SUGCT: variants seen among roughly 807,000 people sequenced by gnomAD.
The protein encoded by SUGCT is succinyl-CoA:glutarate-CoA transferase, also known as succinyl-CoA:glutarate CoA-transferase.
A neutral mutation model predicts 55.0 loss-of-function variants in SUGCT; 41 were observed. The ratio of observed to expected loss-of-function variants is 0.74; its 90% CI spans 0.58 to 0.97. The LOEUF (loss-of-function observed/expected upper bound fraction) is 0.97. SUGCT is among the 50% of genes least tolerant of loss of function. The probability of loss-of-function intolerance (pLI) is 0.00; values close to 1 mark genes in which losing one functional copy is unlikely to be tolerated. For synonymous variants in SUGCT, 187 were observed against 200.4 expected (o/e 0.93, Z 0.56); for missense variants, 568 against 547.8 (o/e 1.04, Z -0.37).
At chr7:40,177,412 A>C (rs1380455770) in intron 1 of SUGCT, among the ~76,000 whole-genome samples, 1 of 129,376 alleles carries the variant, frequency 7.7e-6, no homozygotes, top group Admixed American at 8.3e-5. Context: ...GGCCCTCTAA[A>C]TCTGCTGTGA....
the SUGCT span, among the ~76,000 whole-genome samples, chr7:40,906,376 T>C: frequency 1.3e-5 from 2 of 152,064 alleles, no homozygotes; most frequent in African/African-American, 4.8e-5. Context: ...TAATAGTGAG[T>C]CTTGGATATA....
chr7:40,747,019 C>A (rs1001789561), intron 12 of SUGCT, among the ~76,000 whole-genome samples: 1 of 152,168 alleles, frequency 6.6e-6, no homozygotes, highest in Admixed American at 6.5e-5. Flanking sequence ...TAGCACCTCC[C>A]GTTGGCATTT....
At chr7:40,333,704 A>ATATATATATAT (rs1562689549) in intron 9 of SUGCT, among the ~76,000 whole-genome samples, 14 of 114,452 alleles carry the variant, frequency 1.2e-4, no homozygotes, top group Non-Finnish European at 2.1e-4. Context: ...TATATATATA[A>ATATATATATAT]ATATTTATAA....
chr7:40,553,983 G>T (rs983418959), intron 12 of SUGCT, among the ~76,000 whole-genome samples: 1 of 152,188 alleles, frequency 6.6e-6, no homozygotes, highest in Admixed American at 6.5e-5. Context: ...GGACTGTTAG[G>T]AGGATTAAAT....
chr7:40,580,423 A>T (rs1797020194), intron 12 of SUGCT, among the ~76,000 whole-genome samples: 1 of 152,228 alleles, frequency 6.6e-6, no homozygotes, highest in Non-Finnish European at 1.5e-5. Context: ...GAACAGTGCT[A>T]GAAGACTTGT....
rs550676084 is a variant in SUGCT, at chr7:40,188,659, T to G, written c.312+79T>G. On this transcript the variant is annotated intron_variant, in intron 4 of 13. Transcript: ENST00000335693. ...AAACTGTTGATATCATTGTGGCTTG[T>G]TTTTTTCTTCCTTAAAAAAATTAAG... 6.0e-4 allele frequency: 512 copies of G among 857,476 alleles called. 12 individuals are homozygous for G. The South Asian group carries it at 9.2e-3, about 15-fold the overall frequency. 53.1% of individuals were successfully genotyped at this position (857,476 alleles called of 1,614,324 possible).
chr7:40,419,874 C>T (rs1417130805), intron 9 of SUGCT, among the ~76,000 whole-genome samples: 1 of 152,172 alleles, frequency 6.6e-6, no homozygotes, highest in African/African-American at 2.4e-5. Flanking sequence ...AAACACTGTG[C>T]TAAGCAGCTT....
intron 12 of SUGCT, among the ~76,000 whole-genome samples, chr7:40,687,646 C>A (rs1784521583): frequency 6.6e-6 from 1 of 152,146 alleles, no homozygotes; most frequent in South Asian, 2.1e-4. Flanking sequence ...TTTTTCTTCC[C>A]ACAAACACCA....
chr7:40,832,568 T>G (rs1040232653), intron 13 of SUGCT, among the ~76,000 whole-genome samples: 8 of 151,332 alleles, frequency 5.3e-5, no homozygotes, highest in South Asian at 2.1e-4. Context: ...TTTTGTTTTT[T>G]TTTTTTCCCG....
intron 9 of SUGCT, among the ~76,000 whole-genome samples, chr7:40,421,831 T>G (rs558423318): frequency 6.6e-6 from 1 of 152,182 alleles, no homozygotes; most frequent in South Asian, 2.1e-4. Flanking sequence ...ACTTGTCACC[T>G]AGTAAGACTG....
At chr7:40,553,572 G>A (rs998988569) in intron 12 of SUGCT, among the ~76,000 whole-genome samples, 1 of 152,114 alleles carries the variant, frequency 6.6e-6, no homozygotes, top group African/African-American at 2.4e-5. Context: ...AGATATTTAT[G>A]TATTTATCTA....
intron 9 of SUGCT, among the ~76,000 whole-genome samples, chr7:40,324,230 T>TAAATAAATAAATAA: frequency 1.8e-5 from 2 of 111,990 alleles, no homozygotes; most frequent in African/African-American, 6.8e-5. Context: ...GATGATCATA[T>TAAATAAATAAATAA]ATATAAATAA....
intron 12 of SUGCT, among the ~76,000 whole-genome samples, chr7:40,623,687 T>C (rs1226042308): frequency 6.6e-6 from 1 of 152,190 alleles, no homozygotes; most frequent in Admixed American, 6.6e-5. Context: ...TTTTAAGTTT[T>C]AGGAATGATC....
intron 12 of SUGCT, among the ~76,000 whole-genome samples, chr7:40,706,199 T>C (rs1042548813): frequency 6.6e-6 from 1 of 152,222 alleles, no homozygotes; most frequent in African/African-American, 2.4e-5. Flanking sequence ...GTGATTCTTA[T>C]CCTTCTGGAA....
intron 13 of SUGCT, among the ~76,000 whole-genome samples, chr7:40,782,041 T>G (rs1789777991): frequency 6.6e-6 from 1 of 152,154 alleles, no homozygotes; most frequent in African/African-American, 2.4e-5. Flanking sequence ...TTTTGGGTAA[T>G]TTTTATCTTC....
chr7:40,409,761 G>A (rs1358711338), intron 9 of SUGCT, among the ~76,000 whole-genome samples: 1 of 151,718 alleles, frequency 6.6e-6, no homozygotes, highest in Non-Finnish European at 1.5e-5. Flanking sequence ...GAGTGCAGTG[G>A]CATAATCTCA....
intron 3 of SUGCT, among the ~76,000 whole-genome samples, chr7:40,184,498 ATT>A (rs753912610): frequency 1.4e-5 from 2 of 142,626 alleles, no homozygotes; most frequent in Admixed American, 7.1e-5. Flanking sequence ...GCCTTATTAA[ATT>A]TTTTTTTTTT....
At chr7:40,469,007 T>A (rs139085367) in intron 11 of SUGCT, among the ~76,000 whole-genome samples, 2,182 of 152,286 alleles carry the variant, frequency 0.014, 36 homozygotes, top group South Asian at 0.024. Context: ...AAGTGTCTTT[T>A]AAATCCGATG....
the SUGCT span, among the ~76,000 whole-genome samples, chr7:40,931,494 A>G: frequency 2.0e-5 from 3 of 152,090 alleles, no homozygotes; most frequent in African/African-American, 7.2e-5. Flanking sequence ...TTCAGAAGGA[A>G]TGGTACCATC....
Sources: gnomAD v4.1 joint callset for allele counts (sites outside exome capture counted in the v4.1 genomes callset) on GRCh38, gnomAD v4.1.1 for gene constraint, MANE v1.5 for transcripts, NCBI Gene and HGNC (gene_info 2026-07-23, HGNC 2026-07-21) for gene names.